CELSR1: variants seen among roughly 807,000 people sequenced by gnomAD.
CELSR1 encodes cadherin EGF LAG seven-pass G-type receptor 1, also known as adhesion G protein-coupled receptor C1.
CELSR1 carries 110 observed loss-of-function variants against 249.1 expected under a neutral mutation model. The ratio of observed to expected loss-of-function variants is 0.44; its 90% CI spans 0.38 to 0.52. The LOEUF (loss-of-function observed/expected upper bound fraction) is 0.52. CELSR1 is among the 20% of genes least tolerant of loss of function. The probability of loss-of-function intolerance (pLI) is 0.00; values close to 1 mark genes in which losing one functional copy is unlikely to be tolerated. For synonymous variants in CELSR1, 2,113 were observed against 1,900.0 expected, an observed-to-expected ratio of 1.11 and a Z score of -2.92; for missense variants, 4,109 against 4,296.4, an observed-to-expected ratio of 0.96 and a Z score of 1.22.
At chr22:46,416,436 TC>T (rs2079402825) in intron 5 of CELSR1, among the ~76,000 whole-genome samples, 1 of 151,890 alleles carries the variant, frequency 6.6e-6, no homozygotes, top group African/African-American at 2.4e-5. Flanking sequence ...AGGCCTCGCT[TC>T]CAGGACATAA....
intron 1 of CELSR1, among the ~76,000 whole-genome samples, chr22:46,492,581 T>C (rs1220912369): frequency 6.6e-6 from 1 of 152,164 alleles, no homozygotes; most frequent in African/African-American, 2.4e-5. Context: ...CCCAGCACTT[T>C]GGGAGGCTGA....
At chr22:46,514,124 G>T (rs1035229792) in intron 1 of CELSR1, among the ~76,000 whole-genome samples, 2 of 151,992 alleles carry the variant, frequency 1.3e-5, no homozygotes, top group Non-Finnish European at 2.9e-5. Flanking sequence ...CTCTTTACTT[G>T]TCTTGTCTAC....
chr22:46,394,820 C>G (rs138091359), intron 13 of CELSR1, among the ~76,000 whole-genome samples: 1,650 of 152,326 alleles, frequency 0.011, 14 homozygotes, highest in Non-Finnish European at 0.014. Flanking sequence ...GAAGCCAGTC[C>G]TGCCTCCCTG....
In CELSR1 at chr22:46,430,381, G is replaced by A. The variant is rs544258405; in HGVS notation, c.4611+3012C>T. Among the ~76,000 whole-genome samples, 112 of 152,262 alleles carry A rather than the reference G, an allele frequency of 7.4e-4. No individual in the cohort carries two copies. The highest frequency in any genetic ancestry group is 2.5e-3 in the African/African-American group (102 of 41,540). ...TGCTGGGGCAAGGACACAGCTGGGC[G>A]GGGCAGGGGGGATGACCGTCTGCAT... On this transcript the variant is annotated intron_variant, in intron 5 of 34. Coordinates refer to ENST00000674500, the MANE Select transcript of CELSR1 (RefSeq NM_001378328.1). The surrounding 1 kb of genome is among the most constrained non-coding windows in gnomAD (Gnocchi z 4.6).
At position 46,434,567 on chromosome 22, in the gene CELSR1, G is replaced by C. The variant is rs1369000099; in HGVS notation, c.4523-1086C>G. Among the ~76,000 whole-genome samples, 1 of 152,200 alleles carries C rather than the reference G, an allele frequency of 6.6e-6. No homozygotes were observed. Among genetic ancestry groups the C allele is most frequent in the African/African-American group, 2.4e-5 (1 of 41,448 alleles). ...TGCCTCCCTTTCTTTATTGAGTATA[G>C]AAAACAAAGCTCCATCCTCCACCAT... is the stretch of plus-strand genomic sequence containing the variant. On this transcript the variant is annotated intron_variant, in intron 4 of 34. Coordinates refer to ENST00000674500, the MANE Select transcript of CELSR1 (RefSeq NM_001378328.1). The surrounding 1 kb of genome is among the most constrained non-coding windows in gnomAD (Gnocchi z 4.9).
rs761213758 is a variant in CELSR1 at position 46,365,613 on chromosome 22, T to A, written c.8377A>T (p.Met2793Leu). Reference protein sequence around the residue: ...GSHGEPDASLMPRSCKDPPGH... With the variant: ...GSHGEPDASLLPRSCKDPPGH... ...GGGGGATCCTTGCAGCTCCTGGGCA[T>A]GAGGGACGCGTCTGGCTCTCCGTGG... Residue 2793 changes from methionine to leucine, a missense_variant, in exon 31 of 35, where the codon ATG becomes TTG. Around this residue, in one of 7 missense-constraint regions of CELSR1, gnomAD observed 1,805 missense variants for 1,831.6 expected, o/e 0.99. Transcript: ENST00000674500. The A allele has an allele frequency of 5.0e-6, 8 of 1,594,378 alleles. No individual in the cohort carries two copies. In the South Asian group the frequency reaches 8.0e-5, roughly 16 times the overall value.
intron 5 of CELSR1, among the ~76,000 whole-genome samples, chr22:46,415,057 G>A (rs2079383695): frequency 6.6e-6 from 1 of 152,206 alleles, no homozygotes; most frequent in Admixed American, 6.5e-5. Context: ...CCTACACAAT[G>A]TCCAGGACAG....
intron 32 of CELSR1, 70 bp from the exon 33 acceptor site, chr22:46,364,806 G>T: frequency 1.4e-6 from 2 of 1,465,978 alleles, no homozygotes; most frequent in Non-Finnish European, 9.2e-7. Context: ...AGAGCCATGG[G>T]TCTGGTGGCT....
At chr22:46,507,337 G>A (rs1478021240) in intron 1 of CELSR1, among the ~76,000 whole-genome samples, 2 of 152,238 alleles carry the variant, frequency 1.3e-5, no homozygotes, top group Admixed American at 6.5e-5. Flanking sequence ...GAAGTCGGGG[G>A]GGTAGCCAGG....
intron 18 of CELSR1, among the ~76,000 whole-genome samples, chr22:46,387,725 T>A (rs115596300): frequency 0.015 from 2,251 of 152,172 alleles, 53 homozygotes; most frequent in African/African-American, 0.051. Flanking sequence ...AGAGAGACTG[T>A]GGGTGATTCA....
In CELSR1 at chr22:46,427,191, GA is replaced by G. The variant is rs1393805154; in HGVS notation, c.4611+6201del. ...TGGGAGTGAGACACCCCAAAGCAAT[GA>G]GCACACCAAGCACCCAGATCTGGAT... On this transcript the variant is annotated intron_variant, in intron 5 of 34. Coordinates refer to ENST00000674500, the MANE Select transcript of CELSR1 (RefSeq NM_001378328.1). This position sits in a 1 kb window ranked among gnomAD's most constrained non-coding sequence, Gnocchi z 4.2. Among the ~76,000 whole-genome samples the G allele has an allele frequency of 2.0e-5, 3 of 152,134 alleles. No individual in the cohort carries two copies. Among genetic ancestry groups the G allele is most frequent in the Non-Finnish European group, 4.4e-5 (3 of 68,030 alleles).
intron 1 of CELSR1, among the ~76,000 whole-genome samples, chr22:46,482,627 C>T (rs1466816605): frequency 6.6e-6 from 1 of 152,004 alleles, no homozygotes; most frequent in Non-Finnish European, 1.5e-5. Context: ...AGGCACGAGA[C>T]TCACTTGAAC....
In CELSR1 at chr22:46,534,457, G is replaced by A. The variant is rs972485248; in HGVS notation, c.2714C>T (p.Ala905Val). 2 of 1,613,032 alleles carry A rather than the reference G, an allele frequency of 1.2e-6. No homozygotes were observed. The highest frequency in any genetic ancestry group is 1.7e-6 in the Non-Finnish European group (2 of 1,180,002). Residue 905 changes from alanine (A) to valine (V), a missense_variant, in exon 1 of 35, where the codon GCT (alanine) becomes GTT (valine). Ala to Val is a moderately conservative substitution (Grantham distance 64). Transcript: ENST00000674500. This position sits in a 1 kb window ranked among gnomAD's most constrained non-coding sequence, Gnocchi z 9.7. ...DFYQGSIFED[A>V]PPSTSILQVS... is the part of the protein sequence containing the mutation. ...CTGGAGGATGCTGGTCGAGGGTGGA[G>A]CATCCTCAAAGATGGAACCCTGGTA...
At chr22:46,382,571 C>T (rs1461142538) in intron 20 of CELSR1, among the ~76,000 whole-genome samples, 3 of 152,160 alleles carry the variant, frequency 2.0e-5, no homozygotes, top group Admixed American at 6.5e-5. Flanking sequence ...CCACCGCGCC[C>T]GGCCTGGACC....
chr22:46,436,241 G>A lies in CELSR1; in HGVS notation c.4455C>T (p.Phe1485=). The A allele has an allele frequency of 1.2e-6, 2 of 1,614,148 alleles. No homozygotes were observed. Among genetic ancestry groups the A allele is most frequent in the Non-Finnish European group, 1.7e-6 (2 of 1,180,016 alleles). The change falls in exon 4 of 35, where the codon TTC becomes TTT. Residue 1485 remains phenylalanine, a synonymous_variant. Coordinates refer to ENST00000674500, the MANE Select transcript of CELSR1 (RefSeq NM_001378328.1). This position sits in a 1 kb window ranked among gnomAD's most constrained non-coding sequence, Gnocchi z 5.9. ...GGGCGATGAAGTCGTGCTTCTCATTGAAGCGGCCGTTGTAGAGAAGCAAGC... is the reference window on the plus strand; with the variant it reads ...GGGCGATGAAGTCGTGCTTCTCATTAAAGCGGCCGTTGTAGAGAAGCAAGC... ...RNGLLLYNGR[F]NEKHDFIALE... is the part of the protein sequence containing the mutation.
chr22:46,534,776 T>C lies in CELSR1; in HGVS notation c.2395A>G (p.Ser799Gly). 6.2e-7 allele frequency: 1 copy of C among 1,613,160 alleles called. No homozygotes were observed. ...FQSSHYTVSV[S>G]EDRPVGTSIA... ...GAGGTGCCCACAGGCCTGTCCTCAC[T>C]GACACTCACTGTGTAATGGGAGCTC... Residue 799 changes from serine to glycine, a missense_variant, in exon 1 of 35, where the codon AGT becomes GGT. Ser to Gly is a moderately conservative substitution (Grantham distance 56, BLOSUM62 0). This residue lies in a region of CELSR1 where 886 missense variants were observed against 896.5 expected (regional missense o/e 0.99). Coordinates refer to ENST00000674500, the MANE Select transcript of CELSR1 (RefSeq NM_001378328.1). This position sits in a 1 kb window ranked among gnomAD's most constrained non-coding sequence, Gnocchi z 9.7.
intron 1 of CELSR1, among the ~76,000 whole-genome samples, chr22:46,507,865 G>GC (rs869276432): frequency 3.6e-3 from 3 of 844 alleles, no homozygotes; most frequent in Admixed American, 0.023. Context: ...AGGAGGCACT[G>GC]GGGGGCTGCA....
rs941626947 is a variant in CELSR1 at position 46,401,534 on chromosome 22, C to T, written c.5227-1632G>A. On this transcript the variant is annotated intron_variant, in intron 9 of 34. Coordinates refer to ENST00000674500, the MANE Select transcript of CELSR1 (RefSeq NM_001378328.1). The surrounding 1 kb of genome is among the most constrained non-coding windows in gnomAD (Gnocchi z 4.7). ...ACACAGTGGAGGCTGAGCGTGCAGT[C>T]AGGTCACGGCTGCCAGGTACCTGAA... 2.6e-5 allele frequency among the ~76,000 whole-genome samples: 4 copies of T among 152,196 alleles called. No individual in the cohort carries two copies. Among genetic ancestry groups the T allele is most frequent in the Non-Finnish European group, 5.9e-5 (4 of 68,042 alleles).
intron 1 of CELSR1, among the ~76,000 whole-genome samples, chr22:46,526,000 C>T (rs539515460): frequency 1.3e-3 from 191 of 152,384 alleles, no homozygotes; most frequent in African/African-American, 4.4e-3. Flanking sequence ...TGCTACTTCA[C>T]CTAGACTTTT....
Sources: gnomAD v4.1 joint callset for allele counts (sites outside exome capture counted in the v4.1 genomes callset) on GRCh38, gnomAD v4.1.1 for gene constraint, gnomAD v4.1.1 regional missense constraint, Gnocchi (gnomAD v3.1) non-coding constraint, MANE v1.5 for transcripts, NCBI Gene and HGNC (gene_info 2026-07-23, HGNC 2026-07-21) for gene names.